CNTN5: variants seen among roughly 807,000 people sequenced by gnomAD.
CNTN5 encodes the protein contactin 5, also known as contactin-5.
In CNTN5, 77 loss-of-function variants were observed where a neutral mutation model predicts 129.1. That is an observed-to-expected ratio of 0.60 (90% CI 0.50 to 0.72). The LOEUF is 0.72. CNTN5 is among the 30% of genes least tolerant of loss of function. CNTN5 has a pLI of 0.00. For synonymous variants in CNTN5, 509 were observed against 465.6 expected (o/e 1.09, Z -1.20); for missense variants, 1,478 against 1,328.8 (o/e 1.11, Z -1.75).
chr11:99,814,716 G>T (rs1238496921), intron 3 of CNTN5, among the ~76,000 whole-genome samples: 1 of 152,128 alleles, frequency 6.6e-6, no homozygotes, highest in East Asian at 1.9e-4. Flanking sequence ...GTGAAAGAGT[G>T]TTAGGATCAG....
intron 3 of CNTN5, among the ~76,000 whole-genome samples, chr11:99,666,935 G>A (rs1192926042): frequency 2.0e-5 from 3 of 151,846 alleles, no homozygotes; most frequent in Admixed American, 1.3e-4. Context: ...AAAAATACAT[G>A]GTTTTTAATT....
intron 18 of CNTN5, among the ~76,000 whole-genome samples, chr11:100,279,574 T>A (rs1950587711): frequency 6.6e-6 from 1 of 152,000 alleles, no homozygotes; most frequent in Non-Finnish European, 1.5e-5. Context: ...GTCCATTTCT[T>A]CTAGATATTC....
intron 15 of CNTN5, among the ~76,000 whole-genome samples, chr11:100,208,692 A>G (rs188301144): frequency 1.8e-3 from 273 of 152,316 alleles, no homozygotes; most frequent in African/African-American, 6.0e-3. Flanking sequence ...CATTTCTCCA[A>G]CTTGCAACTT....
Position 99,556,269 on chromosome 11 carries a change from G to T in CNTN5, c.55G>T (p.Glu19Ter). Residue 19 changes from glutamate to a stop codon, truncating the protein, a stop_gained and splice_region_variant, in exon 3 of 25, where the codon GAG (glutamate) becomes TAG (stop). Coordinates refer to ENST00000524871, the MANE Select transcript of CNTN5 (RefSeq NM_014361.4). LOFTEE classifies it high-confidence loss of function. ...TCTGTCAGTCACCATGTGTCTTTCA[G>T]GTAAAAGTCCTGATTAATTAATTAT... is the stretch of plus-strand genomic sequence containing the variant. ...LFLSVTMCLS[E>*]YSKSLPGLST... The T allele has an allele frequency of 6.6e-7, 1 of 1,514,584 alleles. No homozygotes were observed. The highest frequency in any genetic ancestry group is 8.9e-7 in the Non-Finnish European group (1 of 1,122,452). 93.8% of individuals were successfully genotyped at this position (1,514,584 alleles called of 1,614,324 possible).
chr11:99,247,716 G>GT (rs1002021728), intron 1 of CNTN5, among the ~76,000 whole-genome samples: 77 of 151,994 alleles, frequency 5.1e-4, no homozygotes, highest in African/African-American at 1.7e-3. Context: ...GTGGTGTTTG[G>GT]TTTTTTGTCC....
In CNTN5 at chr11:99,036,385, T is replaced by C. The variant is rs142235782; in HGVS notation, c.-210+15115T>C. 4.0e-3 allele frequency among the ~76,000 whole-genome samples: 613 copies of C among 152,212 alleles called. 4 individuals are homozygous for C. The highest frequency in any genetic ancestry group is 0.014 in the African/African-American group (578 of 41,540). On this transcript the variant is annotated intron_variant, in intron 1 of 24. Transcript: ENST00000524871. ...CATGTATCATTCTATTTATAGATAATGTTGTTTCAATTTTTCTTAATATAA... is the reference window on the plus strand; with the variant it reads ...CATGTATCATTCTATTTATAGATAACGTTGTTTCAATTTTTCTTAATATAA...
intron 1 of CNTN5, among the ~76,000 whole-genome samples, chr11:99,130,790 A>G (rs923757601): frequency 2.6e-5 from 4 of 152,150 alleles, no homozygotes; most frequent in Admixed American, 1.3e-4. Flanking sequence ...TCAAATTAAA[A>G]CTCAATATTA....
intron 3 of CNTN5, among the ~76,000 whole-genome samples, chr11:99,806,869 T>C (rs1349148971): frequency 1.3e-5 from 1 of 79,540 alleles, no homozygotes; most frequent in Non-Finnish European, 2.4e-5. Context: ...AATAAATCAA[T>C]CATAAAATGA....
chr11:100,016,821 G>GT (rs1940848748), intron 9 of CNTN5, among the ~76,000 whole-genome samples: 1 of 151,462 alleles, frequency 6.6e-6, no homozygotes, highest in Non-Finnish European at 1.5e-5. Context: ...TTTTTTCTTT[G>GT]TTTTTTAATT....
At chr11:99,997,214 G>T (rs1301357943) in intron 8 of CNTN5, among the ~76,000 whole-genome samples, 1 of 152,048 alleles carries the variant, frequency 6.6e-6, no homozygotes, top group Non-Finnish European at 1.5e-5. Flanking sequence ...ACTTTTTGAA[G>T]GGTTTTTTTG....
At chr11:100,265,573 A>T (rs767189838) in intron 17 of CNTN5, among the ~76,000 whole-genome samples, 18 of 152,160 alleles carry the variant, frequency 1.2e-4, no homozygotes, top group Middle Eastern at 3.2e-3. Flanking sequence ...TCTGGAGTTT[A>T]AACTCGCTGA....
intron 8 of CNTN5, among the ~76,000 whole-genome samples, chr11:99,991,159 G>A (rs907021259): frequency 3.3e-5 from 5 of 152,096 alleles, no homozygotes; most frequent in East Asian, 1.9e-4. Context: ...GCACAATGAC[G>A]TAACAGTCAA....
intron 3 of CNTN5, among the ~76,000 whole-genome samples, chr11:99,570,400 GTTC>G (rs1949139528): frequency 1.3e-5 from 2 of 152,092 alleles, no homozygotes; most frequent in African/African-American, 2.4e-5. Flanking sequence ...TGGTTCAGTC[GTTC>G]TTCTAAGAAA....
In CNTN5 at chr11:100,350,728, C is replaced by A. The variant is rs1251466697; in HGVS notation, c.3057C>A (p.Ser1019Arg). The A allele has an allele frequency of 6.2e-7, 1 of 1,607,882 alleles. No homozygotes were observed. Among genetic ancestry groups the A allele is most frequent in the East Asian group, 2.2e-5 (1 of 44,724 alleles). ...YKVFYRQEGHSNSQVIETQKL... is the reference protein window; with the variant it reads ...YKVFYRQEGHRNSQVIETQKL... ...TTTTTTATAGGCAAGAGGGTCACAG[C>A]AACAGCCAAGTTATTGAAACACAGA... Residue 1019 changes from serine to arginine, a missense_variant, in exon 24 of 25, where the codon AGC becomes AGA. By Grantham distance (110) the Ser-to-Arg change is moderately radical (BLOSUM62 -1). Coordinates refer to ENST00000524871, the MANE Select transcript of CNTN5 (RefSeq NM_014361.4).
intron 1 of CNTN5, among the ~76,000 whole-genome samples, chr11:99,207,215 C>G (rs965232528): frequency 2.0e-5 from 3 of 152,024 alleles, no homozygotes; most frequent in African/African-American, 7.2e-5. Context: ...AATGTTAACA[C>G]CAATAAAACT....
chr11:99,106,305 T>G (rs774649658), intron 1 of CNTN5, among the ~76,000 whole-genome samples: 11 of 152,056 alleles, frequency 7.2e-5, no homozygotes, highest in Non-Finnish European at 1.3e-4. Context: ...GATAACAAAA[T>G]TTCATTAGTG....
intron 1 of CNTN5, among the ~76,000 whole-genome samples, chr11:99,288,247 A>T (rs1373407469): frequency 6.6e-6 from 1 of 151,892 alleles, no homozygotes; most frequent in African/African-American, 2.4e-5. Flanking sequence ...TTATATTATC[A>T]TTAAAGCATA....
At chr11:99,847,927 C>A (rs1413833075) in intron 6 of CNTN5, among the ~76,000 whole-genome samples, 2 of 152,002 alleles carry the variant, frequency 1.3e-5, no homozygotes, top group Admixed American at 1.3e-4. Context: ...AAAATTAGTC[C>A]GCAGGCTGGG....
chr11:100,205,488 A>C (rs1948893847), intron 15 of CNTN5, among the ~76,000 whole-genome samples: 1 of 152,060 alleles, frequency 6.6e-6, no homozygotes, highest in Non-Finnish European at 1.5e-5. Context: ...TCTGGTATCC[A>C]TTATATAAGA....
Sources: gnomAD v4.1 joint callset for allele counts (sites outside exome capture counted in the v4.1 genomes callset) on GRCh38, gnomAD v4.1.1 for gene constraint, MANE v1.5 for transcripts, NCBI Gene and HGNC (gene_info 2026-07-23, HGNC 2026-07-21) for gene names.